ELL: variants seen among roughly 807,000 people sequenced by gnomAD.
ELL encodes the protein elongation factor for RNA polymerase II.
ELL carries 18 observed loss-of-function variants against 64.0 expected under a neutral mutation model. That is an observed-to-expected ratio of 0.28 (90% confidence interval 0.19 to 0.42). ELL has a LOEUF of 0.42. Among genes scored for constraint, ELL ranks in the 10% least tolerant of loss-of-function variants. The pLI is 1.00. For synonymous variants in ELL, 399 were observed against 376.2 expected (o/e 1.06, Z -0.70); for missense variants, 797 against 870.4 (o/e 0.92, Z 1.06).
At chr19:18,514,295 C>T (rs947927153) in intron 1 of ELL, among the ~76,000 whole-genome samples, 1 of 152,016 alleles carries the variant, frequency 6.6e-6, no homozygotes, top group South Asian at 2.1e-4. Context: ...AAGCAGATCA[C>T]GAGGTCAAGA....
chr19:18,445,495 G>GCCTCCGGGTCCC (rs1235355546), intron 10 of ELL: 2 of 410,296 alleles, frequency 4.9e-6, no homozygotes, highest in Non-Finnish European at 9.2e-6. Flanking sequence ...GTGGGGCACT[G>GCCTCCGGGTCCC]CTGTTGTGGG....
rs1311082126 is a variant in ELL, at chr19:18,446,494, G to A, written c.1533-14C>T. The A allele has an allele frequency of 6.2e-6, 10 of 1,609,026 alleles. No individual in the cohort carries two copies. The Admixed American group carries it at 1.5e-4, about 24-fold the overall frequency. ...GCTGCGTACTTCCTGAAACAGGAGA[G>A]AGGGGCCACTGAGTGGAGGCTGGAA... is the stretch of plus-strand genomic sequence containing the variant. On this transcript the variant is annotated splice_polypyrimidine_tract_variant and intron_variant, in intron 9 of 11. Coordinates refer to ENST00000262809, the MANE Select transcript of ELL (RefSeq NM_006532.4).
At chr19:18,461,358 G>A (rs968859215) in intron 5 of ELL, among the ~76,000 whole-genome samples, 3 of 152,206 alleles carry the variant, frequency 2.0e-5, no homozygotes, top group Non-Finnish European at 4.4e-5. Flanking sequence ...CTCAACCCTG[G>A]ACAGTCGGGG....
chr19:18,467,630 ACCACAC>A (rs1445265020), intron 2 of ELL, among the ~76,000 whole-genome samples: 1 of 22,918 alleles, frequency 4.4e-5, no homozygotes, highest in African/African-American at 2.2e-4. Context: ...CCACCACACA[ACCACAC>A]ACACACACAC....
At position 18,444,148 on chromosome 19, in the gene ELL, C is replaced by G; in HGVS notation, c.*604G>C. 1 of 230,694 alleles carries G rather than the reference C, an allele frequency of 4.3e-6. No individual in the cohort carries two copies. The highest frequency in any genetic ancestry group is 8.6e-6 in the Non-Finnish European group (1 of 116,496). 14.3% of individuals were successfully genotyped at this position (230,694 alleles called of 1,614,324 possible). A position where few individuals can be genotyped will look rare whatever the true frequency, so the allele number is the denominator to read the frequency against. On this transcript the variant is annotated 3_prime_UTR_variant, in exon 12 of 12. Coordinates refer to ENST00000262809, the MANE Select transcript of ELL (RefSeq NM_006532.4). ...GGGCCACCCTGTTTGCTTGCTGGAGCAGAGACCCTGCCCAAGGAGGAGAGG... is the reference window on the plus strand; with the variant it reads ...GGGCCACCCTGTTTGCTTGCTGGAGGAGAGACCCTGCCCAAGGAGGAGAGG...
chr19:18,463,087 C>T (rs768385334), intron 4 of ELL, among the ~76,000 whole-genome samples: 7 of 152,180 alleles, frequency 4.6e-5, no homozygotes, highest in Non-Finnish European at 1.0e-4. Flanking sequence ...AATCCTTCCC[C>T]CAAAAGCTCT....
chr19:18,451,583 C>T lies in ELL; in HGVS notation c.935G>A (p.Gly312Asp). 6.7e-7 allele frequency: 1 copy of T among 1,496,352 alleles called. No homozygotes were observed. 92.7% of individuals were successfully genotyped at this position (1,496,352 alleles called of 1,614,324 possible). A position where few individuals can be genotyped will look rare whatever the true frequency, so the allele number is the denominator to read the frequency against. Residue 312 changes from glycine (G) to aspartate (D), a missense_variant, in exon 7 of 12, where the codon GGC becomes GAC. Transcript: ENST00000262809. ...LGDPAASSPP[G>D]ERGRSASPPQ... is the part of the protein sequence containing the mutation. ...GGGCGAGGCCGAGCGCCCACGCTCG[C>T]CTGGGGGGCTGGAGGCAGCAGGGTC... is the stretch of plus-strand genomic sequence containing the variant.
intron 5 of ELL, among the ~76,000 whole-genome samples, chr19:18,460,412 G>A (rs573044373): frequency 6.6e-6 from 1 of 152,312 alleles, no homozygotes; most frequent in South Asian, 2.1e-4. Flanking sequence ...GCTCCCAGGA[G>A]GCACTGAACC....
chr19:18,468,948 C>T (rs1387364532), intron 2 of ELL, among the ~76,000 whole-genome samples: 3 of 152,230 alleles, frequency 2.0e-5, no homozygotes, highest in Non-Finnish European at 2.9e-5. Flanking sequence ...CCTTGCTTCT[C>T]TGTGGGTAGG....
chr19:18,466,415 G>C (rs902661741), intron 2 of ELL, among the ~76,000 whole-genome samples: 4 of 152,226 alleles, frequency 2.6e-5, no homozygotes, highest in African/African-American at 9.6e-5. Context: ...AAAGGACATG[G>C]ACTCCACGTG....
intron 1 of ELL, among the ~76,000 whole-genome samples, chr19:18,518,980 T>A (rs1976193142): frequency 6.6e-6 from 1 of 152,164 alleles, no homozygotes; most frequent in Non-Finnish European, 1.5e-5. Flanking sequence ...TAGGATTACC[T>A]GCTCCTGGGA....
At chr19:18,482,430 G>T (rs1568388905) in intron 1 of ELL, among the ~76,000 whole-genome samples, 1 of 143,386 alleles carries the variant, frequency 7.0e-6, no homozygotes, top group Non-Finnish European at 1.5e-5. Flanking sequence ...CAATTCTCCT[G>T]CCTCTGCCTC....
rs780445426 is a variant in ELL, at chr19:18,449,547, C to T, written c.1465+930G>A. 6.6e-6 allele frequency among the ~76,000 whole-genome samples: 1 copy of T among 152,168 alleles called. No homozygotes were observed. Among genetic ancestry groups the T allele is most frequent in the Non-Finnish European group, 1.5e-5 (1 of 68,014 alleles). ...AGCCACAGCAGGGGACGGGGCATGG[C>T]CCTCTGAGCAACGCAAAGCTATAAT... On this transcript the variant is annotated intron_variant, in intron 8 of 11. Transcript: ENST00000262809. This position sits in a 1 kb window ranked among gnomAD's most constrained non-coding sequence, Gnocchi z 4.4.
Position 18,472,681 on chromosome 19 carries a change from G to C in ELL, c.183+154C>G. ...ACGTCCTGGTGTGGCCCCAGCCAAG[G>C]GGCTATCCTGGGGGCCTAGAACCCA... is the stretch of plus-strand genomic sequence containing the variant. On this transcript the variant is annotated intron_variant, in intron 2 of 11. Transcript: ENST00000262809. The C allele has an allele frequency of 3.3e-6, 3 of 897,488 alleles. No homozygotes were observed. The Admixed American group carries it at 7.5e-5, about 22-fold the overall frequency. 55.6% of individuals were successfully genotyped at this position (897,488 alleles called of 1,614,324 possible).
At position 18,465,431 on chromosome 19, in the gene ELL, C is replaced by T; in HGVS notation, c.450G>A (p.Lys150=). The change falls in exon 4 of 12, where the codon AAG becomes AAA. Residue 150 remains lysine (K), a synonymous_variant. Transcript: ENST00000262809. ...GCTCACCCAGGTAGCGGCCTCCAGC[C>T]TTGATGACAATGGCACTTCGGCTCC... ...ETRSRSAIVI[K]AGGRYLGKKV... 3.1e-6 allele frequency: 5 copies of T among 1,606,868 alleles called. No homozygotes were observed. The highest frequency in any genetic ancestry group is 4.3e-6 in the Non-Finnish European group (5 of 1,174,888).
At chr19:18,519,196 C>A (rs1195483815) in intron 1 of ELL, among the ~76,000 whole-genome samples, 1 of 150,526 alleles carries the variant, frequency 6.6e-6, no homozygotes, top group Non-Finnish European at 1.5e-5. Context: ...CGCACCACTG[C>A]ACTCCAGCCT....
intron 2 of ELL, chr19:18,471,367 A>G (rs751924494): frequency 4.5e-6 from 2 of 449,140 alleles, no homozygotes; most frequent in South Asian, 3.2e-5. Flanking sequence ...AGAGAGACTC[A>G]TCTCTTAAAA....
intron 1 of ELL, among the ~76,000 whole-genome samples, chr19:18,518,057 C>G (rs1389765413): frequency 6.6e-6 from 1 of 151,698 alleles, no homozygotes; most frequent in Non-Finnish European, 1.5e-5. Flanking sequence ...CCCGTCTCCA[C>G]TAAAAGTACA....
intron 4 of ELL, 109 bp from the exon 5 acceptor site, chr19:18,461,961 G>C: frequency 7.2e-7 from 1 of 1,382,540 alleles, no homozygotes; most frequent in Non-Finnish European, 9.8e-7. Flanking sequence ...GTGCTGGTGG[G>C]AGGCACCACA....
Sources: allele counts gnomAD v4.1 joint callset (sites outside exome capture counted in the v4.1 genomes callset), GRCh38; gene constraint gnomAD v4.1.1; non-coding constraint Gnocchi (gnomAD v3.1); transcripts MANE v1.5; gene names NCBI Gene and HGNC (gene_info 2026-07-23, HGNC 2026-07-21).